The following FSTL5 variants were observed in gnomAD, a reference collection of about 807,000 sequenced individuals.
FSTL5 encodes follistatin like 5.
FSTL5 carries 62 observed loss-of-function variants against 89.1 expected under a neutral mutation model. The observed-to-expected ratio is 0.70, with a 90% CI of 0.57 to 0.86. The LOEUF is 0.86. FSTL5 is among the 40% of genes least tolerant of loss of function. The probability of loss-of-function intolerance (pLI) is 0.00; values close to 1 mark genes in which losing one functional copy is unlikely to be tolerated. For synonymous variants in FSTL5, 383 were observed against 346.2 expected (o/e 1.11, Z -1.18); for missense variants, 1,057 against 1,001.6 (o/e 1.06, Z -0.75).
intron 4 of FSTL5, among the ~76,000 whole-genome samples, chr4:161,796,889 T>A (rs964360800): frequency 6.6e-6 from 1 of 151,616 alleles, no homozygotes; most frequent in African/African-American, 2.4e-5. Context: ...ATCCTTAATT[T>A]CATCTGATGG....
intron 4 of FSTL5, among the ~76,000 whole-genome samples, chr4:161,833,390 A>G (rs1486180436): frequency 2.0e-4 from 29 of 145,766 alleles, no homozygotes; most frequent in Admixed American, 3.5e-4. Context: ...GTAGATGTCT[A>G]TTAGGTCCTC....
intron 8 of FSTL5, among the ~76,000 whole-genome samples, chr4:161,584,060 A>T (rs574631558): frequency 2.0e-5 from 3 of 152,294 alleles, no homozygotes; most frequent in Admixed American, 2.0e-4. Context: ...GCCACTTTAC[A>T]GTCAACCACA....
chr4:161,427,435 G>C (rs1732205022), intron 15 of FSTL5, among the ~76,000 whole-genome samples: 1 of 152,146 alleles, frequency 6.6e-6, no homozygotes, highest in South Asian at 2.1e-4. Flanking sequence ...ATGATGTGAG[G>C]ATTCACTGCA....
At chr4:162,024,820 T>C (rs1389349634) in intron 3 of FSTL5, among the ~76,000 whole-genome samples, 1 of 151,998 alleles carries the variant, frequency 6.6e-6, no homozygotes, top group African/African-American at 2.4e-5. Flanking sequence ...AGGCTAATTT[T>C]TTTTTATTTT....
intron 8 of FSTL5, among the ~76,000 whole-genome samples, chr4:161,583,906 G>A (rs1733519486): frequency 6.6e-6 from 1 of 152,052 alleles, no homozygotes; most frequent in Admixed American, 6.6e-5. Flanking sequence ...GTCCTCTCTT[G>A]TGTCCTTATC....
intron 2 of FSTL5, among the ~76,000 whole-genome samples, chr4:162,039,596 C>T (rs899503160): frequency 2.0e-5 from 3 of 151,838 alleles, no homozygotes; most frequent in African/African-American, 7.2e-5. Flanking sequence ...GAAAAAAACG[C>T]ACTACTTGTG....
chr4:161,700,304 A>T (rs898970046), intron 6 of FSTL5, among the ~76,000 whole-genome samples: 1 of 152,168 alleles, frequency 6.6e-6, no homozygotes, highest in African/African-American at 2.4e-5. Flanking sequence ...ATTCAATTCC[A>T]GGTAGTCCAA....
At chr4:161,718,787 A>C (rs12510179) in intron 6 of FSTL5, among the ~76,000 whole-genome samples, 82,580 of 151,680 alleles carry the variant, frequency 0.54, 26,001 homozygotes, top group Non-Finnish European at 0.7. Context: ...TTTACTCTCT[A>C]TATATATATC....
At chr4:161,934,277 T>C (rs1418724255) in intron 3 of FSTL5, among the ~76,000 whole-genome samples, 1 of 152,112 alleles carries the variant, frequency 6.6e-6, no homozygotes, top group Non-Finnish European at 1.5e-5. Flanking sequence ...AGATATTTAT[T>C]ATAGACAATT....
intron 12 of FSTL5, among the ~76,000 whole-genome samples, chr4:161,486,659 G>C (rs1395613982): frequency 2.0e-5 from 3 of 152,146 alleles, no homozygotes; most frequent in Admixed American, 6.5e-5. Context: ...CTGCCAATGT[G>C]TGTAAATTAA....
At chr4:161,786,553 C>T (rs1246535159) in intron 4 of FSTL5, among the ~76,000 whole-genome samples, 1 of 152,052 alleles carries the variant, frequency 6.6e-6, no homozygotes, top group Admixed American at 6.5e-5. Flanking sequence ...AGCCTTAATT[C>T]TTCCTAATTG....
chr4:161,465,930 T>C (rs149625787), intron 13 of FSTL5, among the ~76,000 whole-genome samples: 1 of 152,306 alleles, frequency 6.6e-6, no homozygotes, highest in African/African-American at 2.4e-5. Flanking sequence ...TTTCGAATAA[T>C]AATTTTAAAA....
intron 15 of FSTL5, among the ~76,000 whole-genome samples, chr4:161,424,155 G>T (rs1289026721): frequency 2.0e-5 from 3 of 150,536 alleles, no homozygotes; most frequent in African/African-American, 7.3e-5. Context: ...GGGATTACAG[G>T]CCTGAGCCAC....
intron 2 of FSTL5, among the ~76,000 whole-genome samples, chr4:162,060,451 T>C (rs954423363): frequency 2.6e-5 from 4 of 152,104 alleles, no homozygotes; most frequent in African/African-American, 9.6e-5. Flanking sequence ...AGTTTAATAA[T>C]GTATGAGTCT....
chr4:161,713,038 A>G (rs1455800506), intron 6 of FSTL5, among the ~76,000 whole-genome samples: 1 of 152,132 alleles, frequency 6.6e-6, no homozygotes, highest in East Asian at 1.9e-4. Flanking sequence ...CTTTATAGCA[A>G]CACAAACAGA....
chr4:161,386,181 G>C lies in FSTL5; in HGVS notation c.2110C>G (p.His704Asp). 6.2e-7 allele frequency: 1 copy of C among 1,613,994 alleles called. No homozygotes were observed. The highest frequency in any genetic ancestry group is 8.5e-7 in the Non-Finnish European group (1 of 1,179,962). ...ACATCATTAATGCTGACAAGGTAGTGGCCATCTGGAGAGACATATGGAGTG... is the reference window on the plus strand; with the variant it reads ...ACATCATTAATGCTGACAAGGTAGTCGCCATCTGGAGAGACATATGGAGTG... ...TGTPYVSPDGHYLVSINDVKG... is the reference protein window; with the variant it reads ...TGTPYVSPDGDYLVSINDVKG... Residue 704 changes from histidine (H) to aspartate (D), a missense_variant, in exon 16 of 16, where the codon CAC becomes GAC. Physicochemically the swap from His to Asp is moderately conservative, Grantham distance 81. Coordinates refer to ENST00000306100, the MANE Select transcript of FSTL5 (RefSeq NM_020116.5).
intron 12 of FSTL5, among the ~76,000 whole-genome samples, chr4:161,484,232 C>T (rs1415555684): frequency 6.6e-6 from 1 of 152,002 alleles, no homozygotes; most frequent in Non-Finnish European, 1.5e-5. Flanking sequence ...TCCAATCTTT[C>T]CTTCCTTCTT....
At chr4:161,778,506 C>A (rs1213851712) in intron 4 of FSTL5, among the ~76,000 whole-genome samples, 1 of 152,092 alleles carries the variant, frequency 6.6e-6, no homozygotes, top group African/African-American at 2.4e-5. Context: ...CATTCTCTTT[C>A]GAGACAAAAT....
chr4:161,392,706 G>C (rs1560872524), intron 15 of FSTL5, among the ~76,000 whole-genome samples: 1 of 152,120 alleles, frequency 6.6e-6, no homozygotes, highest in African/African-American at 2.4e-5. Flanking sequence ...AATCTGAAAA[G>C]AGTAGCTTCC....
Sources: gnomAD v4.1 joint callset for allele counts (sites outside exome capture counted in the v4.1 genomes callset) on GRCh38, gnomAD v4.1.1 for gene constraint, MANE v1.5 for transcripts, NCBI Gene and HGNC (gene_info 2026-07-23, HGNC 2026-07-21) for gene names.